Variants in SLC4A4 observed in about 807,000 individuals in gnomAD.
The protein encoded by SLC4A4 is solute carrier family 4 member 4.
In SLC4A4, 27 loss-of-function variants were observed where a neutral mutation model predicts 111.5. That is an observed-to-expected ratio of 0.24 (90% CI 0.18 to 0.33). The LOEUF is 0.33. Among genes scored for constraint, SLC4A4 ranks in the 10% least tolerant of loss-of-function variants. SLC4A4 has a pLI of 1.00. For synonymous variants in SLC4A4, 443 were observed against 463.4 expected, an observed-to-expected ratio of 0.96 and a Z score of 0.57; for missense variants, 909 against 1,315.5, an observed-to-expected ratio of 0.69 and a Z score of 4.78.
chr4:71,353,513 G>T (rs200452013), intron 5 of SLC4A4, among the ~76,000 whole-genome samples: 1 of 152,140 alleles, frequency 6.6e-6, no homozygotes, highest in Non-Finnish European at 1.5e-5. Context: ...ACCCTACAGA[G>T]GATAAAACAT....
intron 3 of SLC4A4, among the ~76,000 whole-genome samples, chr4:71,310,647 C>T (rs1046916533): frequency 6.6e-6 from 1 of 152,160 alleles, no homozygotes; most frequent in African/African-American, 2.4e-5. Context: ...GATTTTGTCA[C>T]CACCAGGCCT....
chr4:71,460,305 A>G (rs1726700464), intron 12 of SLC4A4, among the ~76,000 whole-genome samples: 1 of 151,868 alleles, frequency 6.6e-6, no homozygotes, highest in African/African-American at 2.4e-5. Context: ...ATCCATCTGG[A>G]ATTGGTTTTT....
intron 23 of SLC4A4, among the ~76,000 whole-genome samples, chr4:71,561,225 C>T (rs1736949912): frequency 6.6e-6 from 1 of 151,760 alleles, no homozygotes; most frequent in Admixed American, 6.6e-5. Flanking sequence ...TTAATTGTCT[C>T]AATAGCTTGT....
chr4:71,154,656 G>T (rs1044029903), intron 2 of SLC4A4, among the ~76,000 whole-genome samples: 6 of 152,110 alleles, frequency 3.9e-5, no homozygotes, highest in Non-Finnish European at 7.4e-5. Flanking sequence ...AATAAATATT[G>T]TAAGTATTAA....
chr4:71,418,695 G>T lies in SLC4A4; in HGVS notation c.807+21042G>T, dbSNP rs144765567. Among the ~76,000 whole-genome samples the T allele has an allele frequency of 7.7e-3, 1,176 of 152,174 alleles. 16 individuals carry two copies. Among genetic ancestry groups the T allele is most frequent in the African/African-American group, 0.025 (1,033 of 41,514 alleles). On this transcript the variant is annotated intron_variant, in intron 7 of 25. Coordinates refer to ENST00000264485, the MANE Select transcript of SLC4A4 (RefSeq NM_001098484.3). ...AATATGTTTCTAGTAATTATCCCAGGGGTTTTCTTTTATGACACCAAAAGA... is the reference window on the plus strand; with the variant it reads ...AATATGTTTCTAGTAATTATCCCAGTGGTTTTCTTTTATGACACCAAAAGA...
intron 1 of SLC4A4, among the ~76,000 whole-genome samples, chr4:71,088,460 G>A (rs187162912): frequency 1.2e-3 from 187 of 152,078 alleles, no homozygotes; most frequent in Non-Finnish European, 2.0e-3. Context: ...ATGTTAGCTG[G>A]TTATTTTGCT....
At chr4:71,263,932 G>A (rs1215249846) in intron 3 of SLC4A4, among the ~76,000 whole-genome samples, 1 of 152,110 alleles carries the variant, frequency 6.6e-6, no homozygotes, top group Admixed American at 6.6e-5. Context: ...GTTGGAATAA[G>A]CCTGCCTTTG....
chr4:71,464,701 A>G (rs1194021235), intron 12 of SLC4A4, among the ~76,000 whole-genome samples: 2 of 152,084 alleles, frequency 1.3e-5, no homozygotes, highest in Non-Finnish European at 2.9e-5. Context: ...CAACTACATT[A>G]TTATCTAGTG....
intron 14 of SLC4A4, among the ~76,000 whole-genome samples, chr4:71,478,482 A>G (rs1269799317): frequency 6.6e-6 from 1 of 151,894 alleles, no homozygotes; most frequent in African/African-American, 2.4e-5. Flanking sequence ...GCTGGAAACC[A>G]TCATTCTCAG....
intron 2 of SLC4A4, among the ~76,000 whole-genome samples, chr4:71,136,434 G>A (rs1560738085): frequency 6.6e-6 from 1 of 152,208 alleles, no homozygotes; most frequent in Non-Finnish European, 1.5e-5. Context: ...TTGCCCTTTA[G>A]TGACCACTGA....
intron 3 of SLC4A4, among the ~76,000 whole-genome samples, chr4:71,303,110 G>A (rs1294179609): frequency 1.3e-5 from 2 of 152,120 alleles, no homozygotes; most frequent in Non-Finnish European, 2.9e-5. Flanking sequence ...CTCTGCTTTA[G>A]TCTCTTCTGC....
In SLC4A4 at chr4:71,425,075, C is replaced by A. The variant is rs536728033; in HGVS notation, c.808-15541C>A. Among the ~76,000 whole-genome samples the A allele has an allele frequency of 2.6e-5, 4 of 152,064 alleles. No homozygotes were observed. The East Asian group carries it at 7.7e-4, about 29-fold the overall frequency. On this transcript the variant is annotated intron_variant, in intron 7 of 25. Transcript: ENST00000264485. ...TATCCTTTTTCTTCTTCTACCATTT[C>A]CTAGTTCGGCAACCATGCAAAGAAG...
intron 1 of SLC4A4, among the ~76,000 whole-genome samples, chr4:71,215,559 G>A (rs1447611376): frequency 6.6e-6 from 1 of 152,194 alleles, no homozygotes. Flanking sequence ...CCTGTGCCAG[G>A]CACTTTCACA....
At chr4:71,362,510 T>A (rs1381525086) in intron 6 of SLC4A4, among the ~76,000 whole-genome samples, 1 of 152,242 alleles carries the variant, frequency 6.6e-6, no homozygotes, top group East Asian at 1.9e-4. Flanking sequence ...GGAAGAAAAA[T>A]CTTATATTGA....
At chr4:71,206,524 A>T (rs1717774470) in intron 1 of SLC4A4, among the ~76,000 whole-genome samples, 2 of 152,152 alleles carry the variant, frequency 1.3e-5, no homozygotes, top group Non-Finnish European at 2.9e-5. Flanking sequence ...ATTTTGCTCA[A>T]CTTCAGTAAT....
At chr4:71,446,331 G>C (rs997795690) in intron 8 of SLC4A4, among the ~76,000 whole-genome samples, 3 of 152,130 alleles carry the variant, frequency 2.0e-5, no homozygotes, top group Admixed American at 1.3e-4. Context: ...ATGGCAAGCT[G>C]TTTCTGGTAC....
intron 24 of SLC4A4, among the ~76,000 whole-genome samples, chr4:71,564,273 C>A (rs1033988203): frequency 1.3e-5 from 2 of 151,508 alleles, no homozygotes; most frequent in African/African-American, 4.8e-5. Flanking sequence ...ATCAAATCAG[C>A]TCAAAAGAGA....
intron 1 of SLC4A4, among the ~76,000 whole-genome samples, chr4:71,228,991 T>G (rs2149029855): frequency 6.6e-6 from 1 of 152,338 alleles, no homozygotes; most frequent in South Asian, 2.1e-4. Flanking sequence ...TGTTGATCCA[T>G]GTATCCACAG....
intron 1 of SLC4A4, among the ~76,000 whole-genome samples, chr4:71,226,659 C>G (rs7655668): frequency 0.15 from 22,765 of 152,126 alleles, 2,018 homozygotes; most frequent in South Asian, 0.35. Context: ...GAACAAATCA[C>G]TATTTCTTCA....
Sources: allele counts gnomAD v4.1 joint callset (sites outside exome capture counted in the v4.1 genomes callset), GRCh38; gene constraint gnomAD v4.1.1; transcripts MANE v1.5; gene names NCBI Gene and HGNC (gene_info 2026-07-23, HGNC 2026-07-21).